Variants in KAZN observed in about 807,000 individuals in gnomAD.
KAZN encodes the protein kazrin, periplakin interacting protein, also known as kazrin.
Under a neutral mutation model 87.4 loss-of-function variants are expected in KAZN, and 40 were observed. That is an observed-to-expected ratio of 0.46 (90% CI 0.36 to 0.60). The LOEUF (loss-of-function observed/expected upper bound fraction) is 0.60. Among genes scored for constraint, KAZN ranks in the 20% least tolerant of loss-of-function variants. KAZN has a pLI of 0.00. For synonymous variants in KAZN, 466 were observed against 458.3 expected, an observed-to-expected ratio of 1.02 and a Z score of -0.22; for missense variants, 898 against 1,073.9, an observed-to-expected ratio of 0.84 and a Z score of 2.29.
At chr1:14,986,738 A>G (rs1263840604) in intron 2 of KAZN, among the ~76,000 whole-genome samples, 1 of 152,162 alleles carries the variant, frequency 6.6e-6, no homozygotes, top group Admixed American at 6.5e-5. Flanking sequence ...TCAAAGGGTC[A>G]GTTGTTTGTT....
At chr1:14,750,100 G>GT (rs1455963064) in intron 1 of KAZN, among the ~76,000 whole-genome samples, 1 of 152,178 alleles carries the variant, frequency 6.6e-6, no homozygotes, top group Non-Finnish European at 1.5e-5. Context: ...CTGTGGTAAT[G>GT]TAAGATGCGG....
At chr1:14,803,460 C>T (rs1381318797) in intron 1 of KAZN, among the ~76,000 whole-genome samples, 1 of 152,194 alleles carries the variant, frequency 6.6e-6, no homozygotes. Context: ...GCTGAAGCTG[C>T]CATCCTCCTT....
At chr1:14,415,608 G>T (rs892833515) in intron 2 of KAZN, among the ~76,000 whole-genome samples, 1 of 152,144 alleles carries the variant, frequency 6.6e-6, no homozygotes, top group Non-Finnish European at 1.5e-5. Context: ...ACCAGTGGCC[G>T]TTAAGAATGA....
At chr1:14,459,961 T>A (rs12142094) in intron 2 of KAZN, among the ~76,000 whole-genome samples, 13,533 of 152,144 alleles carry the variant, frequency 0.089, 664 homozygotes, top group Middle Eastern at 0.13. Context: ...AATAAATACT[T>A]AACTAGTAGA....
chr1:14,544,350 C>CTTTTTTTTTTTT (rs374148415), intron 2 of KAZN, among the ~76,000 whole-genome samples: 710 of 98,122 alleles, frequency 7.2e-3, no homozygotes, highest in East Asian at 0.011. Flanking sequence ...TTCTTTCTTT[C>CTTTTTTTTTTTT]TTTTTTTTTT....
intron 1 of KAZN, among the ~76,000 whole-genome samples, chr1:14,706,834 C>A (rs1181789939): frequency 6.6e-6 from 1 of 152,132 alleles, no homozygotes; most frequent in African/African-American, 2.4e-5. Context: ...ACCCTTTGAG[C>A]TGTTTCTCTT....
chr1:14,332,889 T>C (rs746421238), intron 2 of KAZN, among the ~76,000 whole-genome samples: 13 of 152,200 alleles, frequency 8.5e-5, no homozygotes, highest in Non-Finnish European at 1.8e-4. Flanking sequence ...TTGTTTTTTC[T>C]TTTTAAGTTC....
chr1:14,438,084 T>C (rs969840532), intron 2 of KAZN, among the ~76,000 whole-genome samples: 4 of 130,716 alleles, frequency 3.1e-5, no homozygotes, highest in Admixed American at 1.5e-4. Flanking sequence ...AAAAAGTTAT[T>C]TCCCTAAAGC....
chr1:14,832,446 C>A (rs1349983307), intron 1 of KAZN, among the ~76,000 whole-genome samples: 1 of 152,112 alleles, frequency 6.6e-6, no homozygotes, highest in Non-Finnish European at 1.5e-5. Flanking sequence ...AGTAGACATC[C>A]TGGGAGTAAT....
chr1:14,439,548 C>T (rs1206642103), intron 2 of KAZN, among the ~76,000 whole-genome samples: 2 of 152,144 alleles, frequency 1.3e-5, no homozygotes, highest in Non-Finnish European at 2.9e-5. Flanking sequence ...GAACTTTTTG[C>T]AGTGATAGGA....
At chr1:15,048,424 G>A (rs1443454355) in intron 4 of KAZN, among the ~76,000 whole-genome samples, 1 of 150,818 alleles carries the variant, frequency 6.6e-6, no homozygotes, top group East Asian at 1.9e-4. Flanking sequence ...GTGTGTGTAT[G>A]TGTGTGTGTG....
intron 3 of KAZN, among the ~76,000 whole-genome samples, chr1:15,041,284 T>A (rs1001948655): frequency 6.7e-6 from 1 of 150,088 alleles, no homozygotes; most frequent in African/African-American, 2.5e-5. Context: ...TTCATGCCCC[T>A]GCAGCCCCTC....
At chr1:14,127,802 G>A (rs560439956) in intron 1 of KAZN, among the ~76,000 whole-genome samples, 1 of 152,258 alleles carries the variant, frequency 6.6e-6, no homozygotes, top group Non-Finnish European at 1.5e-5. Flanking sequence ...GGTGCTTTGA[G>A]TCGGTGCTAG....
At chr1:14,030,250 G>C (rs544342310) in intron 1 of KAZN, among the ~76,000 whole-genome samples, 3 of 151,832 alleles carry the variant, frequency 2.0e-5, no homozygotes, top group Non-Finnish European at 4.4e-5. Context: ...GTGAATGGGA[G>C]TTCACTCATG....
At chr1:14,063,519 G>C (rs552332619) in intron 1 of KAZN, among the ~76,000 whole-genome samples, 2 of 152,284 alleles carry the variant, frequency 1.3e-5, no homozygotes, top group African/African-American at 4.8e-5. Context: ...ATCAGGTTTG[G>C]AGGGTGATTC....
intron 2 of KAZN, among the ~76,000 whole-genome samples, chr1:14,540,901 C>T (rs1442044612): frequency 2.6e-5 from 4 of 152,062 alleles, no homozygotes; most frequent in Non-Finnish European, 5.9e-5. Context: ...GATTCTAGCT[C>T]CCAGCTGGGT....
intron 1 of KAZN, among the ~76,000 whole-genome samples, chr1:14,042,225 A>T: frequency 6.7e-6 from 1 of 149,512 alleles, no homozygotes; most frequent in Non-Finnish European, 1.5e-5. Context: ...ATAAATTTCT[A>T]CTCCTTTTAC....
intron 1 of KAZN, among the ~76,000 whole-genome samples, chr1:13,990,497 A>AT (rs200016032): frequency 0.14 from 20,914 of 151,540 alleles, 1,578 homozygotes; most frequent in Middle Eastern, 0.2. Flanking sequence ...GGTAGAAAAA[A>AT]ATCAACACAC....
At chr1:14,407,770 A>T (rs1171718129) in intron 2 of KAZN, among the ~76,000 whole-genome samples, 4 of 152,132 alleles carry the variant, frequency 2.6e-5, no homozygotes, top group East Asian at 1.9e-4. Context: ...CTTTTTTTTT[A>T]AAAAGACAAA....
Sources: allele counts gnomAD v4.1 joint callset (sites outside exome capture counted in the v4.1 genomes callset), GRCh38; gene constraint gnomAD v4.1.1; transcripts MANE v1.5; gene names NCBI Gene and HGNC (gene_info 2026-07-23, HGNC 2026-07-21).